IRX2: variants seen among roughly 807,000 people sequenced by gnomAD.
IRX2 encodes the protein iroquois-class homeodomain protein IRX-2.
IRX2 carries 26 observed loss-of-function variants against 42.9 expected under a neutral mutation model. The observed-to-expected ratio is 0.61, with a 90% CI of 0.44 to 0.84. The LOEUF (loss-of-function observed/expected upper bound fraction) is 0.84, where lower values mean the gene tolerates loss of function less well. Among genes scored for constraint, IRX2 ranks in the 40% least tolerant of loss-of-function variants. The probability of loss-of-function intolerance (pLI) is 0.00; values close to 1 mark genes in which losing one functional copy is unlikely to be tolerated. For synonymous variants in IRX2, 424 were observed against 353.9 expected, an observed-to-expected ratio of 1.20 and a Z score of -2.22; for missense variants, 782 against 713.9, an observed-to-expected ratio of 1.10 and a Z score of -1.09.
Position 2,749,363 on chromosome 5 carries a change from C to T in IRX2, c.655+19G>A, listed in dbSNP as rs1737837103. ...GAAGAAAGCGCCCCGAGACCTTGCG[C>T]CGGCCGCTGCCCGCTCACCTTCGTC... On this transcript the variant is annotated intron_variant, in intron 2 of 3. Transcript: ENST00000302057. The T allele has an allele frequency of 6.4e-7, 1 of 1,573,882 alleles. No homozygotes were observed. Among genetic ancestry groups the T allele is most frequent in the Non-Finnish European group, 8.6e-7 (1 of 1,162,004 alleles).
chr5:2,748,407 G>A lies in IRX2; in HGVS notation c.1301C>T (p.Ala434Val), dbSNP rs765932356. The change falls in exon 3 of 4, where the codon GCG (alanine) becomes GTG (valine). Residue 434 changes from alanine to valine, a missense_variant. Ala to Val is a moderately conservative substitution (Grantham distance 64). Coordinates refer to ENST00000302057, the MANE Select transcript of IRX2 (RefSeq NM_033267.5). ...APKAASDAGK[A>V]GAHPLESHYR... ...GTGGGACTCGAGCGGGTGCGCGCCCGCCTTGCCCGCGTCGCTGGCCGCCTT... is the reference window on the plus strand; with the variant it reads ...GTGGGACTCGAGCGGGTGCGCGCCCACCTTGCCCGCGTCGCTGGCCGCCTT... 2 of 1,493,654 alleles carry A rather than the reference G, an allele frequency of 1.3e-6. No homozygotes were observed. The highest frequency in any genetic ancestry group is 8.9e-7 in the Non-Finnish European group (1 of 1,126,142). 92.5% of individuals were successfully genotyped at this position (1,493,654 alleles called of 1,614,324 possible). A position where few individuals can be genotyped will look rare whatever the true frequency, so the allele number is the denominator to read the frequency against.
chr5:2,748,671 C>A lies in IRX2; in HGVS notation c.1037G>T (p.Gly346Val). ...ATSDLKQPSL[G>V]PGCGPPGLPA... ...CAGCCCCGGTGGCCCGCAGCCCGGG[C>A]CCAGGCTCGGCTGCTTGAGGTCCGA... The change falls in exon 3 of 4, where the codon GGC becomes GTC. Residue 346 changes from glycine to valine, a missense_variant. Gly to Val is a moderately radical substitution (Grantham distance 109). Coordinates refer to ENST00000302057, the MANE Select transcript of IRX2 (RefSeq NM_033267.5). 7.2e-7 allele frequency: 1 copy of A among 1,390,024 alleles called. No homozygotes were observed. The highest frequency in any genetic ancestry group is 9.3e-7 in the Non-Finnish European group (1 of 1,072,924). 86.1% of individuals were successfully genotyped at this position (1,390,024 alleles called of 1,614,324 possible).
chr5:2,748,110 G>A lies in IRX2; in HGVS notation c.1363+235C>T, dbSNP rs560683035. ...AACTAAGACAGCCACGATAGTAATA[G>A]TCAAAATAACAGTAAATTAAGTAAA... On this transcript the variant is annotated intron_variant, in intron 3 of 3. Transcript: ENST00000302057. Among the ~76,000 whole-genome samples, 10 of 152,320 alleles carry A rather than the reference G, an allele frequency of 6.6e-5. No individual in the cohort carries two copies. In the South Asian group the frequency reaches 1.9e-3, roughly 28 times the overall value.
At chr5:2,738,279 G>C in the IRX2 span, among the ~76,000 whole-genome samples, 3 of 152,364 alleles carry the variant, frequency 2.0e-5, no homozygotes, top group Non-Finnish European at 4.4e-5. Context: ...CTGCCTGGAA[G>C]AAGCAGGTTG....
At chr5:2,744,390 G>T (rs1468197843), downstream of IRX2, among the ~76,000 whole-genome samples, 11 of 152,036 alleles carry the variant, frequency 7.2e-5, no homozygotes. Flanking sequence ...ATTACACATA[G>T]CAGAGACATT....
chr5:2,740,743 G>T, the IRX2 span, among the ~76,000 whole-genome samples: 35 of 152,168 alleles, frequency 2.3e-4, no homozygotes, highest in African/African-American at 7.9e-4. Flanking sequence ...GGAAGAACGC[G>T]GGCAGGGCAC....
At chr5:2,747,682 G>A (rs1737724018) in intron 3 of IRX2, 66 bp from the exon 4 acceptor site, 3 of 1,500,804 alleles carry the variant, frequency 2.0e-6, no homozygotes, top group South Asian at 2.3e-5. Context: ...AGACCACCGT[G>A]CACCCACCAT....
the IRX2 span, among the ~76,000 whole-genome samples, chr5:2,740,530 G>T: frequency 1.3e-5 from 2 of 152,198 alleles, no homozygotes; most frequent in Admixed American, 1.3e-4. Flanking sequence ...TCCCAAATCG[G>T]ACAGTCCCGG....
Position 2,747,529 on chromosome 5 carries a change from G to A in IRX2, c.*35C>T, listed in dbSNP as rs1737716732. ...TCCACAGGGTCTGGGAAGCACCAGGGTGCCCACTTACTTGCATTGCTGTGC... is the reference window on the plus strand; with the variant it reads ...TCCACAGGGTCTGGGAAGCACCAGGATGCCCACTTACTTGCATTGCTGTGC... On this transcript the variant is annotated 3_prime_UTR_variant, in exon 4 of 4. Coordinates refer to ENST00000302057, the MANE Select transcript of IRX2 (RefSeq NM_033267.5). 6.2e-7 allele frequency: 1 copy of A among 1,602,052 alleles called. No homozygotes were observed. Among genetic ancestry groups the A allele is most frequent in the Non-Finnish European group, 8.6e-7 (1 of 1,169,310 alleles).
In IRX2 at chr5:2,749,449, A is replaced by G. The variant is rs1322452134; in HGVS notation, c.588T>C (p.Ala196=). The change falls in exon 2 of 4, where the codon GCT becomes GCC. Residue 196 remains alanine (A), a synonymous_variant. Transcript: ENST00000302057. ...CGGGACTCTCGTCCTTGCTTCTGGT[A>G]GCGTCGCCCTCGTCCTCGTCCTCAT... ...SEDEDEDEGD[A]TRSKDESPDK... 4 of 1,613,674 alleles carry G rather than the reference A, an allele frequency of 2.5e-6. No individual in the cohort carries two copies. The African/African-American group carries it at 5.3e-5, about 22-fold the overall frequency.
Position 2,751,004 on chromosome 5 carries a change from G to A in IRX2, c.249+161C>T, listed in dbSNP as rs1362329764. Among the ~76,000 whole-genome samples the A allele has an allele frequency of 2.0e-5, 3 of 151,498 alleles. No homozygotes were observed. Among genetic ancestry groups the A allele is most frequent in the Non-Finnish European group, 4.4e-5 (3 of 67,822 alleles). On this transcript the variant is annotated intron_variant, in intron 1 of 3. Coordinates refer to ENST00000302057, the MANE Select transcript of IRX2 (RefSeq NM_033267.5). The surrounding 1 kb of genome is among the most constrained non-coding windows in gnomAD (Gnocchi z 4.0). ...GCGCTGCCCTCCCCACCCGGGGCCCGGCTCAGCCTGCGGGGCGGCCAACCG... is the reference window on the plus strand; with the variant it reads ...GCGCTGCCCTCCCCACCCGGGGCCCAGCTCAGCCTGCGGGGCGGCCAACCG...
chr5:2,736,415 T>A, the IRX2 span, among the ~76,000 whole-genome samples: 1 of 152,262 alleles, frequency 6.6e-6, no homozygotes, highest in Non-Finnish European at 1.5e-5. Context: ...AACTTTTTAA[T>A]GAAAACTTTT....
Position 2,747,494 on chromosome 5 carries a change from G to T in IRX2, c.*70C>A. On this transcript the variant is annotated 3_prime_UTR_variant, in exon 4 of 4. Coordinates refer to ENST00000302057, the MANE Select transcript of IRX2 (RefSeq NM_033267.5). ...AGAAAAACACATTAAGCAAGTTGGT[G>T]CTGGGAGGCTCCACAGGGTCTGGGA... is the stretch of plus-strand genomic sequence containing the variant. 2.2e-6 allele frequency: 3 copies of T among 1,361,830 alleles called. No individual in the cohort carries two copies. Among genetic ancestry groups the T allele is most frequent in the Non-Finnish European group, 3.1e-6 (3 of 953,336 alleles). The allele number at this position is 1,361,830 out of a possible 1,614,324, so 84.4% of individuals were successfully genotyped here.
chr5:2,746,551 A>C lies in IRX2; in HGVS notation c.*1013T>G, dbSNP rs1037083163. The C allele has an allele frequency of 1.3e-5, 2 of 152,578 alleles. No homozygotes were observed. Among genetic ancestry groups the C allele is most frequent in the Non-Finnish European group, 2.9e-5 (2 of 68,050 alleles). The allele number at this position is 152,578 out of a possible 1,614,324, so 9.5% of individuals were successfully genotyped here. A position where few individuals can be genotyped will look rare whatever the true frequency, so the allele number is the denominator to read the frequency against. ...GATTGTTTTCAAAAGTCACACATAC[A>C]TCGGGGAAACTATACTATGCCAACA... On this transcript the variant is annotated 3_prime_UTR_variant, in exon 4 of 4. Coordinates refer to ENST00000302057, the MANE Select transcript of IRX2 (RefSeq NM_033267.5).
At chr5:2,743,446 C>T (rs1051406952), downstream of IRX2, among the ~76,000 whole-genome samples, 8 of 151,736 alleles carry the variant, frequency 5.3e-5, no homozygotes, top group East Asian at 5.8e-4. Context: ...GAGATTAAAG[C>T]GCGAATTCCG....
At chr5:2,739,061 C>T in the IRX2 span, among the ~76,000 whole-genome samples, 1 of 152,190 alleles carries the variant, frequency 6.6e-6, no homozygotes, top group Non-Finnish European at 1.5e-5. Context: ...CACCTCCAGG[C>T]AGCCCTCCAG....
At chr5:2,745,523 A>G (rs1737638672), downstream of IRX2, among the ~76,000 whole-genome samples, 1 of 152,232 alleles carries the variant, frequency 6.6e-6, no homozygotes, top group Non-Finnish European at 1.5e-5. Flanking sequence ...GAGTAACACA[A>G]TAAAGAGGCA....
downstream of IRX2, among the ~76,000 whole-genome samples, chr5:2,745,075 C>G (rs1176665993): frequency 6.6e-6 from 1 of 152,192 alleles, no homozygotes; most frequent in East Asian, 1.9e-4. Flanking sequence ...GACACATTGG[C>G]CTATCGGAGC....
At chr5:2,750,638 T>C (rs1486289664) in intron 1 of IRX2, among the ~76,000 whole-genome samples, 1 of 152,084 alleles carries the variant, frequency 6.6e-6, no homozygotes, top group African/African-American at 2.4e-5. Flanking sequence ...CCTGGGCGCC[T>C]CGGGCCGGAC....
Sources: allele counts gnomAD v4.1 joint callset (sites outside exome capture counted in the v4.1 genomes callset), GRCh38; gene constraint gnomAD v4.1.1; non-coding constraint Gnocchi (gnomAD v3.1); transcripts MANE v1.5; gene names NCBI Gene and HGNC (gene_info 2026-07-23, HGNC 2026-07-21).